Variants in VWA3B observed in about 807,000 individuals in gnomAD.
VWA3B encodes the protein von Willebrand factor A domain-containing protein 3B.
Under a neutral mutation model 158.3 loss-of-function variants are expected in VWA3B, and 138 were observed. That is an observed-to-expected ratio of 0.87 (90% CI 0.76 to 1.00). The LOEUF is 1.00. Among genes scored for constraint, VWA3B ranks in the 50% least tolerant of loss-of-function variants. VWA3B has a pLI of 0.00. For synonymous variants in VWA3B, 596 were observed against 587.3 expected, an observed-to-expected ratio of 1.01 and a Z score of -0.21; for missense variants, 1,555 against 1,565.1, an observed-to-expected ratio of 0.99 and a Z score of 0.11.
chr2:98,125,910 C>T lies in VWA3B; in HGVS notation c.703-2329C>T, dbSNP rs891457395. 3.9e-5 allele frequency among the ~76,000 whole-genome samples: 6 copies of T among 152,120 alleles called. No individual in the cohort carries two copies. Among genetic ancestry groups the T allele is most frequent in the East Asian group, 1.9e-4 (1 of 5,188 alleles). On this transcript the variant is annotated intron_variant, in intron 5 of 27. Transcript: ENST00000477737. The surrounding 1 kb of genome is among the most constrained non-coding windows in gnomAD (Gnocchi z 4.1). ...CGATCTCCCGACCTCGTGATCTGCT[C>T]GCCTCAGCCTCCCAAAGTGCTGGGA... is the stretch of plus-strand genomic sequence containing the variant.
chr2:98,237,946 G>A (rs892734888), intron 19 of VWA3B, among the ~76,000 whole-genome samples: 1 of 152,170 alleles, frequency 6.6e-6, no homozygotes, highest in African/African-American at 2.4e-5. Flanking sequence ...ATAAGACTTA[G>A]TGAGAAGGGT....
intron 8 of VWA3B, chr2:98,179,382 G>C (rs1053323930): frequency 1.3e-5 from 6 of 465,104 alleles, no homozygotes; most frequent in Non-Finnish European, 2.7e-5. Context: ...TGTGCCTGAG[G>C]CTGGAGATGT....
intron 23 of VWA3B, among the ~76,000 whole-genome samples, chr2:98,292,793 C>T (rs1313455339): frequency 2.0e-5 from 3 of 151,992 alleles, no homozygotes; most frequent in African/African-American, 7.3e-5. Flanking sequence ...GGTGAAAACT[C>T]ATTTCTACTA....
At position 98,193,016 on chromosome 2, in the gene VWA3B, AAGATCATTC is replaced by A; in HGVS notation, c.1588_1596del (p.Ile530_Gln532del). The A allele has an allele frequency of 6.2e-7, 1 of 1,613,832 alleles. No homozygotes were observed. The highest frequency in any genetic ancestry group is 8.5e-7 in the Non-Finnish European group (1 of 1,179,814). ...GAGCAAACTGGACTTGGTGAAGGAC[AAGATCATTC>A]AGTTCATACAGGTTAGATGGAACTG... On this transcript the variant is annotated inframe_deletion, in exon 11 of 28. Coordinates refer to ENST00000477737, the MANE Select transcript of VWA3B (RefSeq NM_144992.5).
At chr2:98,235,952 C>T (rs1685649699) in intron 17 of VWA3B, among the ~76,000 whole-genome samples, 1 of 152,190 alleles carries the variant, frequency 6.6e-6, no homozygotes, top group Admixed American at 6.5e-5. Context: ...GAACTTACAA[C>T]TAAACAGGAC....
intron 23 of VWA3B, among the ~76,000 whole-genome samples, chr2:98,296,433 T>A (rs1689804560): frequency 6.6e-6 from 1 of 152,202 alleles, no homozygotes; most frequent in African/African-American, 2.4e-5. Context: ...AATGTGTAAA[T>A]ATTTCAAAAC....
At chr2:98,109,037 G>A (rs1420063517) in intron 2 of VWA3B, among the ~76,000 whole-genome samples, 2 of 143,580 alleles carry the variant, frequency 1.4e-5, no homozygotes, top group Non-Finnish European at 3.0e-5. Context: ...TTGTTGCCTA[G>A]GCTGTAATGC....
intron 23 of VWA3B, among the ~76,000 whole-genome samples, chr2:98,297,602 T>C (rs188786872): frequency 6.6e-6 from 1 of 152,244 alleles, no homozygotes; most frequent in Admixed American, 6.5e-5. Context: ...GAGAAGAGGA[T>C]CTTTATTTCC....
chr2:98,201,105 T>C (rs1237168450), intron 12 of VWA3B, among the ~76,000 whole-genome samples: 1 of 152,198 alleles, frequency 6.6e-6, no homozygotes, highest in Non-Finnish European at 1.5e-5. Flanking sequence ...TTGGCTGTTA[T>C]ATAGTTCCTT....
At chr2:98,201,393 AGATTACTTGGGATTTCCAAT>A (rs1682534609) in intron 12 of VWA3B, among the ~76,000 whole-genome samples, 1 of 152,118 alleles carries the variant, frequency 6.6e-6, no homozygotes. Context: ...ACTTTGTTGT[AGATTACTTGGGATTTCCAAT>A]GATGTCATGT....
intron 12 of VWA3B, among the ~76,000 whole-genome samples, chr2:98,210,746 A>AT (rs1173657156): frequency 6.6e-6 from 1 of 151,942 alleles, no homozygotes; most frequent in Non-Finnish European, 1.5e-5. Flanking sequence ...TCTTATCCTG[A>AT]TTCTTGGGAT....
chr2:98,307,871 A>G (rs937722317), intron 26 of VWA3B, among the ~76,000 whole-genome samples: 2 of 152,214 alleles, frequency 1.3e-5, no homozygotes, highest in African/African-American at 4.8e-5. Context: ...AGGGTAAAGC[A>G]AGGGATACCT....
At chr2:98,245,606 A>G (rs1246856450) in intron 19 of VWA3B, 1 of 456,986 alleles carries the variant, frequency 2.2e-6, no homozygotes, top group South Asian at 1.5e-5. Flanking sequence ...AGAGGGAAGT[A>G]GAACACTAAG....
chr2:98,111,681 C>T (rs573281359), intron 2 of VWA3B, among the ~76,000 whole-genome samples: 31 of 152,172 alleles, frequency 2.0e-4, no homozygotes, highest in South Asian at 4.2e-4. Context: ...TGTTTCTTAT[C>T]CACTTATGTG....
At chr2:98,195,922 AC>A (rs1419829777) in intron 12 of VWA3B, among the ~76,000 whole-genome samples, 1 of 152,250 alleles carries the variant, frequency 6.6e-6, no homozygotes, top group East Asian at 1.9e-4. Context: ...ACAATGGAAT[AC>A]TACACAGCTT....
At chr2:98,161,979 G>C (rs1678628298) in intron 7 of VWA3B, among the ~76,000 whole-genome samples, 1 of 152,152 alleles carries the variant, frequency 6.6e-6, no homozygotes, top group Non-Finnish European at 1.5e-5. Context: ...AGTTTTACAG[G>C]ATTACAGGCG....
chr2:98,192,908 C>T lies in VWA3B; in HGVS notation c.1477C>T (p.Leu493=). 5.0e-6 allele frequency: 8 copies of T among 1,614,178 alleles called. No homozygotes were observed. The highest frequency in any genetic ancestry group is 6.8e-6 in the Non-Finnish European group (8 of 1,180,032). The change falls in exon 11 of 28, where the codon CTA becomes TTA. Residue 493 remains leucine, a synonymous_variant. Transcript: ENST00000477737. ...LARIRRRIKW[L]QDGSQSLFGR... The stretch of plus-strand genomic sequence containing the variant: ...CTACTTCCTGCCTAGGATTAAATGG[C>T]TACAGGATGGGAGTCAAAGCCTCTT...
chr2:98,318,636 A>G, the VWA3B span, among the ~76,000 whole-genome samples: 4 of 152,136 alleles, frequency 2.6e-5, no homozygotes, highest in East Asian at 7.7e-4. Context: ...TAAACTTAAT[A>G]CCTGGGTGAT....
At chr2:98,285,613 C>T (rs1022853272) in intron 22 of VWA3B, among the ~76,000 whole-genome samples, 13 of 151,460 alleles carry the variant, frequency 8.6e-5, no homozygotes, top group Admixed American at 7.9e-4. Flanking sequence ...TATCACTATC[C>T]TATGTCAGTA....
Sources: gnomAD v4.1 joint callset for allele counts (sites outside exome capture counted in the v4.1 genomes callset) on GRCh38, gnomAD v4.1.1 for gene constraint, Gnocchi (gnomAD v3.1) non-coding constraint, MANE v1.5 for transcripts, NCBI Gene and HGNC (gene_info 2026-07-23, HGNC 2026-07-21) for gene names.